Variants in ABCC9 observed in about 807,000 individuals in gnomAD.
ABCC9 encodes ATP binding cassette subfamily C member 9.
In ABCC9, 95 loss-of-function variants were observed where a neutral mutation model predicts 188.3. The ratio of observed to expected loss-of-function variants is 0.50; its 90% CI spans 0.43 to 0.60. ABCC9 has a LOEUF of 0.60. Ranked by LOEUF, ABCC9 falls within the 20% of genes least tolerant of loss-of-function variation. The pLI, the probability that ABCC9 is intolerant of heterozygous loss-of-function variation, is 0.00. For missense variants in ABCC9, 1,102 were observed against 1,876.3 expected, an observed-to-expected ratio of 0.59 and a Z score of 7.62; for synonymous variants, 659 against 652.7, an observed-to-expected ratio of 1.01 and a Z score of -0.15.
At chr12:21,906,591 G>T (rs1424750423) in intron 11 of ABCC9, among the ~76,000 whole-genome samples, 1 of 152,012 alleles carries the variant, frequency 6.6e-6, no homozygotes, top group African/African-American at 2.4e-5. Flanking sequence ...AATCATGTCT[G>T]CAGATAATAT....
At chr12:21,831,405 T>G (rs1943753659) in intron 30 of ABCC9, among the ~76,000 whole-genome samples, 1 of 152,094 alleles carries the variant, frequency 6.6e-6, no homozygotes, top group Admixed American at 6.6e-5. Flanking sequence ...GACATTATGC[T>G]AGACACTGAG....
Position 21,875,647 on chromosome 12 carries a change from C to G in ABCC9, c.2092+7G>C. ...AATTACAAAAATGCATAACAGATAACTCTTACCTGTTGGAATTCGAATATC... is the reference window on the plus strand; with the variant it reads ...AATTACAAAAATGCATAACAGATAAGTCTTACCTGTTGGAATTCGAATATC... On this transcript the variant is annotated splice_region_variant and intron_variant, in intron 17 of 39. Coordinates refer to ENST00000261200, the MANE Select transcript of ABCC9 (RefSeq NM_020297.4). 1 of 1,592,152 alleles carries G rather than the reference C, an allele frequency of 6.3e-7. No individual in the cohort carries two copies. The highest frequency in any genetic ancestry group is 8.6e-7 in the Non-Finnish European group (1 of 1,160,132).
intron 16 of ABCC9, among the ~76,000 whole-genome samples, chr12:21,880,628 A>G (rs542535175): frequency 6.6e-6 from 1 of 152,258 alleles, no homozygotes; most frequent in South Asian, 2.1e-4. Flanking sequence ...GCTTGACCTT[A>G]TTTGTAATCA....
intron 20 of ABCC9, among the ~76,000 whole-genome samples, chr12:21,862,309 C>G (rs1306259264): frequency 2.6e-5 from 4 of 152,198 alleles, no homozygotes; most frequent in Non-Finnish European, 1.5e-5. Flanking sequence ...CTGGTCTCAG[C>G]CTCCTGAATC....
intron 16 of ABCC9, among the ~76,000 whole-genome samples, chr12:21,879,870 T>A (rs1174935050): frequency 2.6e-5 from 4 of 151,990 alleles, no homozygotes; most frequent in Non-Finnish European, 5.9e-5. Flanking sequence ...AATCCAGTTA[T>A]AAAGACTTGT....
intron 24 of ABCC9, among the ~76,000 whole-genome samples, chr12:21,849,836 G>A (rs1483626167): frequency 1.3e-5 from 2 of 152,218 alleles, no homozygotes; most frequent in East Asian, 3.9e-4. Context: ...CTGCTTAACA[G>A]CATTAAGAAG....
intron 15 of ABCC9, among the ~76,000 whole-genome samples, chr12:21,885,357 A>G (rs950852160): frequency 2.6e-5 from 4 of 152,194 alleles, no homozygotes; most frequent in Non-Finnish European, 5.9e-5. Context: ...AACCCTGAAG[A>G]TATTGGATGC....
At chr12:21,922,758 T>TG (rs1358908629) in intron 5 of ABCC9, among the ~76,000 whole-genome samples, 1 of 149,074 alleles carries the variant, frequency 6.7e-6, no homozygotes, top group Non-Finnish European at 1.5e-5. Flanking sequence ...TTTCTTTTTT[T>TG]TTTTTTTTTG....
intron 39 of ABCC9, 104 bp from the exon 40 acceptor site, chr12:21,801,285 T>C: frequency 1.4e-6 from 2 of 1,465,510 alleles, no homozygotes; most frequent in South Asian, 1.2e-5. Flanking sequence ...TTTGTTTATC[T>C]TGGTGAGTGA....
chr12:21,859,740 T>C, intron 21 of ABCC9, 74 bp from the exon 22 acceptor site: 3 of 1,240,662 alleles, frequency 2.4e-6, no homozygotes, highest in Non-Finnish European at 3.6e-6. Flanking sequence ...GACCTTAAAT[T>C]ACAAACGTCT....
chr12:21,830,205 C>T (rs1943678755), intron 30 of ABCC9, among the ~76,000 whole-genome samples: 1 of 152,150 alleles, frequency 6.6e-6, no homozygotes, highest in Admixed American at 6.5e-5. Context: ...GAGCCAATAT[C>T]TCAAAGAAAT....
At chr12:21,882,222 A>G (rs972944309) in intron 16 of ABCC9, among the ~76,000 whole-genome samples, 1 of 151,826 alleles carries the variant, frequency 6.6e-6, no homozygotes, top group Admixed American at 6.6e-5. Flanking sequence ...AGCTCTTCCA[A>G]TTCCTGCACA....
At chr12:21,815,918 A>G (rs1365169043) in intron 33 of ABCC9, 25 bp from the exon 34 acceptor site, 1 of 1,606,272 alleles carries the variant, frequency 6.2e-7, no homozygotes, top group Non-Finnish European at 8.5e-7. Context: ...GGGGAAATAG[A>G]CAGATAATAG....
chr12:21,843,134 TGAGAAA>T (rs2137376723), intron 28 of ABCC9, among the ~76,000 whole-genome samples: 1 of 152,286 alleles, frequency 6.6e-6, no homozygotes, highest in African/African-American at 2.4e-5. Context: ...TTTGTCTTAC[TGAGAAA>T]GACCTTTCCC....
At chr12:21,825,441 CACCATGGAAT>C (rs1302902532) in intron 31 of ABCC9, among the ~76,000 whole-genome samples, 1 of 152,178 alleles carries the variant, frequency 6.6e-6, no homozygotes, top group Non-Finnish European at 1.5e-5. Flanking sequence ...GGCACATATA[CACCATGGAAT>C]ACTATGCAAC....
chr12:21,914,824 A>G (rs1203208243), intron 7 of ABCC9, among the ~76,000 whole-genome samples: 1 of 151,780 alleles, frequency 6.6e-6, no homozygotes, highest in Non-Finnish European at 1.5e-5. Flanking sequence ...AATTTACATG[A>G]TTCAAAAGTA....
intron 5 of ABCC9, chr12:21,923,639 A>G (rs1292468943): frequency 1.8e-6 from 1 of 549,722 alleles, no homozygotes; most frequent in African/African-American, 1.9e-5. Context: ...AATGATGAAC[A>G]TGTGGAACTG....
chr12:21,818,237 A>G lies in ABCC9; in HGVS notation c.3684T>C (p.Ala1228=), dbSNP rs780157680. The change falls in exon 32 of 40, where the codon GCT becomes GCC. Residue 1228 remains alanine, a synonymous_variant. Transcript: ENST00000261200. ...WLEVRTDYLG[A]CIVLTASIAS... The stretch of plus-strand genomic sequence containing the variant: ...CTATAGATGCAGTGAGGACAATGCA[A>G]GCTCCCAGATAATCCTTTGAAAAAG... The G allele has an allele frequency of 6.2e-6, 10 of 1,613,556 alleles. No homozygotes were observed. The highest frequency in any genetic ancestry group is 1.3e-5 in the African/African-American group (1 of 74,994).
intron 18 of ABCC9, among the ~76,000 whole-genome samples, chr12:21,870,095 C>T (rs1373611224): frequency 6.6e-6 from 1 of 152,044 alleles, no homozygotes; most frequent in African/African-American, 2.4e-5. Context: ...CTTCACATAA[C>T]ATTTATTATA....
Sources: gnomAD v4.1 joint callset for allele counts (sites outside exome capture counted in the v4.1 genomes callset) on GRCh38, gnomAD v4.1.1 for gene constraint, MANE v1.5 for transcripts, NCBI Gene and HGNC (gene_info 2026-07-23, HGNC 2026-07-21) for gene names.